PRRC2B: variants seen among roughly 807,000 people sequenced by gnomAD.
PRRC2B encodes proline rich coiled-coil 2B, also known as protein PRRC2B.
A neutral mutation model predicts 242.3 loss-of-function variants in PRRC2B; 68 were observed. The observed-to-expected ratio is 0.28, with a 90% CI of 0.23 to 0.34. The LOEUF is 0.34. Among genes scored for constraint, PRRC2B ranks in the 10% least tolerant of loss-of-function variants. PRRC2B has a pLI of 1.00. For synonymous variants in PRRC2B, 1,228 were observed against 1,173.6 expected (o/e 1.05, Z -0.95); for missense variants, 2,835 against 2,954.8 (o/e 0.96, Z 0.94).
At chr9:131,408,662 A>AAC (rs1837429987) in intron 1 of PRRC2B, among the ~76,000 whole-genome samples, 1 of 152,144 alleles carries the variant, frequency 6.6e-6, no homozygotes, top group South Asian at 2.1e-4. Context: ...GCTGTCCACC[A>AAC]GTTTGTTAAC....
chr9:131,442,164 A>C (rs1838614025), intron 5 of PRRC2B, among the ~76,000 whole-genome samples: 1 of 150,040 alleles, frequency 6.7e-6, no homozygotes, highest in African/African-American at 2.5e-5. Flanking sequence ...GCAGGGTTTC[A>C]TTCTGTTGCC....
intron 11 of PRRC2B, among the ~76,000 whole-genome samples, chr9:131,461,595 G>T (rs1177307548): frequency 6.6e-6 from 1 of 152,216 alleles, no homozygotes; most frequent in African/African-American, 2.4e-5. Context: ...AGGCTGGAGT[G>T]CGGTGGCGTA....
rs540193397 is a variant in PRRC2B, at chr9:131,494,641, C to T, written c.6555+155C>T. Among the ~76,000 whole-genome samples, 3 of 152,338 alleles carry T rather than the reference C, an allele frequency of 2.0e-5. No homozygotes were observed. The highest frequency in any genetic ancestry group is 2.1e-4 in the South Asian group (1 of 4,830). ...GCACAGAACCGGGAGCTGGGCCGCCCGCGTCCCTCCTGGCGAAGGCATTTC... is the reference window on the plus strand; with the variant it reads ...GCACAGAACCGGGAGCTGGGCCGCCTGCGTCCCTCCTGGCGAAGGCATTTC... On this transcript the variant is annotated intron_variant, in intron 31 of 31. Transcript: ENST00000683519. The surrounding 1 kb of genome is among the most constrained non-coding windows in gnomAD (Gnocchi z 4.3).
intron 1 of PRRC2B, among the ~76,000 whole-genome samples, chr9:131,422,188 G>A (rs1021505511): frequency 2.6e-5 from 4 of 152,204 alleles, no homozygotes; most frequent in African/African-American, 2.4e-5. Flanking sequence ...CCGAATAGCT[G>A]GGATTACAGG....
At position 131,474,565 on chromosome 9, in the gene PRRC2B, C is replaced by G; in HGVS notation, c.2436C>G (p.Ala812=). The G allele has an allele frequency of 6.2e-7, 1 of 1,613,858 alleles. No individual in the cohort carries two copies. Among genetic ancestry groups the G allele is most frequent in the Non-Finnish European group, 8.5e-7 (1 of 1,179,866 alleles). ...EEYLSAFDKK[A]QADFDSCISS... The stretch of plus-strand genomic sequence containing the variant: ...ACTTGAGTGCTTTTGACAAGAAGGC[C>G]CAAGCAGACTTTGACAGCTGTATCT... Residue 812 remains alanine, a synonymous_variant, in exon 16 of 32, where the codon GCC becomes GCG. Coordinates refer to ENST00000683519, the MANE Select transcript of PRRC2B (RefSeq NM_013318.4).
At chr9:131,469,076 A>C (rs1381699551) in intron 13 of PRRC2B, among the ~76,000 whole-genome samples, 1 of 152,196 alleles carries the variant, frequency 6.6e-6, no homozygotes, top group Non-Finnish European at 1.5e-5. Context: ...GTGGTGGCTC[A>C]CGCCTGTAAT....
At chr9:131,420,457 CTT>C (rs1210723760) in intron 1 of PRRC2B, among the ~76,000 whole-genome samples, 20 of 10,274 alleles carry the variant, frequency 1.9e-3, no homozygotes, top group African/African-American at 3.1e-3. Context: ...TTTTCTTTTT[CTT>C]TCTTTCTTTC....
At chr9:131,387,949 G>A (rs1034233484) in intron 1 of PRRC2B, among the ~76,000 whole-genome samples, 3 of 150,670 alleles carry the variant, frequency 2.0e-5, no homozygotes, top group African/African-American at 4.8e-5. Context: ...CCAGCACTTT[G>A]GGAGGCCCAG....
chr9:131,393,759 AGGCCCCTTCTCTTGGCTCCT>A (rs1271217487), upstream of PRRC2B, among the ~76,000 whole-genome samples: 150 of 100,352 alleles, frequency 1.5e-3, no homozygotes, highest in Non-Finnish European at 2.2e-3. Context: ...TGCCCTTCCC[AGGCCCCTTCTCTTGGCTCCT>A]GGCCCCTCCT....
chr9:131,435,828 C>T (rs1335681437), intron 3 of PRRC2B, among the ~76,000 whole-genome samples: 2 of 152,118 alleles, frequency 1.3e-5, no homozygotes, highest in African/African-American at 2.4e-5. Context: ...TGTATGGGGT[C>T]ACTCCACTTC....
In PRRC2B at chr9:131,469,307, C is replaced by G. The variant is rs555859345; in HGVS notation, c.1912-1481C>G. ...CGTGGTCGCACCACTGCCTTCCAGC[C>G]TGGGTGACAGAGCGAGACTCCATCT... On this transcript the variant is annotated intron_variant, in intron 13 of 31. Transcript: ENST00000683519. Among the ~76,000 whole-genome samples, 272 of 152,212 alleles carry G rather than the reference C, an allele frequency of 1.8e-3. 2 individuals are homozygous for G. Among genetic ancestry groups the G allele is most frequent in the Non-Finnish European group, 3.6e-3 (244 of 68,018 alleles).
intron 3 of PRRC2B, among the ~76,000 whole-genome samples, chr9:131,434,760 T>C (rs1838290645): frequency 6.6e-6 from 1 of 152,136 alleles, no homozygotes; most frequent in African/African-American, 2.4e-5. Flanking sequence ...TCCTTGAATC[T>C]CGTTGAGTGA....
chr9:131,465,038 G>A lies in PRRC2B; in HGVS notation c.1680G>A (p.Glu560=). The stretch of plus-strand genomic sequence containing the variant: ...AAGTGCCCTGGTCTCCAAGTGCTGA[G>A]AAGGCATCTCCCCAGGAAAACGGCC... ...EKEVPWSPSA[E]KASPQENGPA... The change falls in exon 12 of 32, where the codon GAG becomes GAA. Residue 560 remains glutamate (E), a synonymous_variant. Transcript: ENST00000683519. The A allele has an allele frequency of 6.2e-7, 1 of 1,613,992 alleles. No individual in the cohort carries two copies. The highest frequency in any genetic ancestry group is 2.2e-5 in the East Asian group (1 of 44,884).
intron 9 of PRRC2B, among the ~76,000 whole-genome samples, chr9:131,451,398 C>CA (rs150870383): frequency 0.13 from 19,056 of 147,298 alleles, 1,303 homozygotes; most frequent in African/African-American, 0.16. Context: ...GACTCCATCT[C>CA]AAAAAAAAAA....
At chr9:131,452,346 C>T (rs1490987267) in intron 9 of PRRC2B, among the ~76,000 whole-genome samples, 1 of 151,944 alleles carries the variant, frequency 6.6e-6, no homozygotes, top group African/African-American at 2.4e-5. Context: ...CAATTTTGCC[C>T]CTTCAGTTTT....
upstream of PRRC2B, among the ~76,000 whole-genome samples, chr9:131,389,917 T>TC (rs201955507): frequency 8.2e-6 from 1 of 122,440 alleles, no homozygotes; most frequent in Admixed American, 8.8e-5. Context: ...ACATGGTTGT[T>TC]TTTTTTTTTG....
intron 1 of PRRC2B, among the ~76,000 whole-genome samples, chr9:131,420,502 T>TCCCTTCC: frequency 1.0e-5 from 1 of 97,954 alleles, no homozygotes; most frequent in African/African-American, 4.2e-5. Context: ...TCTTTTTTTT[T>TCCCTTCC]TTTTTTTTGA....
rs771743851 is a variant in PRRC2B, at chr9:131,491,522, C to T, written c.6323C>T (p.Ala2108Val). 3 of 1,612,096 alleles carry T rather than the reference C, an allele frequency of 1.9e-6. No individual in the cohort carries two copies. Among genetic ancestry groups the T allele is most frequent in the South Asian group, 2.2e-5 (2 of 90,846 alleles). Residue 2108 changes from alanine (A) to valine (V), a missense_variant, in exon 29 of 32, where the codon GCC becomes GTC. By Grantham distance (64) the Ala-to-Val change is moderately conservative (BLOSUM62 0). Coordinates refer to ENST00000683519, the MANE Select transcript of PRRC2B (RefSeq NM_013318.4). ...LPPGQSLSVG[A>V]PRRIPPPGSQ... Reference sequence around the variant, plus strand: ...CCTGGGCAGAGCCTCTCCGTTGGGGCCCCCCGAAGGATTCCTCCGCCCGGG... The same window carrying T: ...CCTGGGCAGAGCCTCTCCGTTGGGGTCCCCCGAAGGATTCCTCCGCCCGGG...
chr9:131,456,707 G>A (rs1943091607), intron 10 of PRRC2B, among the ~76,000 whole-genome samples: 1 of 152,092 alleles, frequency 6.6e-6, no homozygotes, highest in South Asian at 2.1e-4. Context: ...TCAGGAGGCT[G>A]AGGTGGGAGG....
Sources: gnomAD v4.1 joint callset for allele counts (sites outside exome capture counted in the v4.1 genomes callset) on GRCh38, gnomAD v4.1.1 for gene constraint, Gnocchi (gnomAD v3.1) non-coding constraint, MANE v1.5 for transcripts, NCBI Gene and HGNC (gene_info 2026-07-23, HGNC 2026-07-21) for gene names.